Variants in CNGA1 observed in about 807,000 individuals in gnomAD.
The protein encoded by CNGA1 is cyclic nucleotide gated channel subunit alpha 1, also known as cyclic nucleotide-gated channel alpha-1.
Under a neutral mutation model 69.7 loss-of-function variants are expected in CNGA1, and 53 were observed. The ratio of observed to expected loss-of-function variants is 0.76; its 90% CI spans 0.61 to 0.96. The LOEUF is 0.96. Ranked by LOEUF, CNGA1 falls within the 40% of genes least tolerant of loss-of-function variation. The probability of loss-of-function intolerance (pLI) is 0.00; values close to 1 mark genes in which losing one functional copy is unlikely to be tolerated. For missense variants in CNGA1, 739 were observed against 811.2 expected, an observed-to-expected ratio of 0.91 and a Z score of 1.08; for synonymous variants, 249 against 283.5, an observed-to-expected ratio of 0.88 and a Z score of 1.22.
chr4:47,984,865 T>C (rs1426411615), intron 2 of CNGA1, among the ~76,000 whole-genome samples: 17 of 152,118 alleles, frequency 1.1e-4, no homozygotes, highest in Non-Finnish European at 2.5e-4. Flanking sequence ...AATGACTGCC[T>C]GTTGTTGAAT....
At chr4:48,015,940 A>C (rs938478180) in intron 1 of CNGA1, among the ~76,000 whole-genome samples, 2 of 152,112 alleles carry the variant, frequency 1.3e-5, no homozygotes, top group Admixed American at 6.5e-5. Flanking sequence ...AGGTCTTCCA[A>C]CCTTGGTTTG....
chr4:47,942,147 C>T lies in CNGA1; in HGVS notation c.439G>A (p.Glu147Lys), dbSNP rs1578066976. Reference sequence around the variant, plus strand: ...TCAATAACCACAACTTCTTTCTTCTCCCTAGCGGCAATTAGAAATAAAGGG... The same window carrying T: ...TCAATAACCACAACTTCTTTCTTCTTCCTAGCGGCAATTAGAAATAAAGGG... ...EEKSKDKKEE[E>K]KKEVVVIDPS... Residue 147 changes from glutamate (E) to lysine (K), a missense_variant and splice_region_variant, in exon 9 of 11, where the codon GAG (glutamate) becomes AAG (lysine). Glu to Lys is a moderately conservative substitution (Grantham distance 56). Coordinates refer to ENST00000514170, the MANE Select transcript of CNGA1 (RefSeq NM_001379270.1). 2.5e-6 allele frequency: 4 copies of T among 1,596,848 alleles called. No homozygotes were observed. In the South Asian group the frequency reaches 3.3e-5, roughly 13 times the overall value.
intron 1 of CNGA1, among the ~76,000 whole-genome samples, chr4:48,015,043 T>TG (rs1277867888): frequency 6.7e-6 from 1 of 149,316 alleles, no homozygotes; most frequent in East Asian, 2.0e-4. Context: ...CCGGGCGTGG[T>TG]GGGGGGCGCC....
chr4:47,998,484 G>C (rs2109343238), intron 2 of CNGA1, among the ~76,000 whole-genome samples: 1 of 152,210 alleles, frequency 6.6e-6, no homozygotes, highest in Non-Finnish European at 1.5e-5. Flanking sequence ...CATTAATAAT[G>C]CTTACATGGA....
intron 3 of CNGA1, among the ~76,000 whole-genome samples, chr4:47,961,147 T>C (rs1368529690): frequency 2.6e-5 from 4 of 152,202 alleles, no homozygotes; most frequent in Admixed American, 6.5e-5. Context: ...AGAAATTCCT[T>C]TTCTTTGTAA....
At chr4:47,991,306 C>T (rs1006764112) in intron 2 of CNGA1, among the ~76,000 whole-genome samples, 4 of 152,168 alleles carry the variant, frequency 2.6e-5, no homozygotes, top group Non-Finnish European at 4.4e-5. Context: ...TTCACCGCAT[C>T]CATGCAAACA....
rs925142698 is a variant in CNGA1, at chr4:47,942,073, A to G, written c.513T>C (p.Pro171=). Residue 171 remains proline, a synonymous_variant, in exon 9 of 11, where the codon CCT becomes CCC. Transcript: ENST00000514170. The part of the protein sequence containing the change: ...YYNWLFCITL[P]VMYNWTMVIA... ...TAACCATTGTCCAGTTGTACATAACAGGTAATGTGATGCAAAACAGCCAGT... is the reference window on the plus strand; with the variant it reads ...TAACCATTGTCCAGTTGTACATAACGGGTAATGTGATGCAAAACAGCCAGT... 3.7e-6 allele frequency: 6 copies of G among 1,612,220 alleles called. No individual in the cohort carries two copies. The highest frequency in any genetic ancestry group is 5.1e-6 in the Non-Finnish European group (6 of 1,178,336).
chr4:47,949,439 C>T (rs1252649345), intron 6 of CNGA1, among the ~76,000 whole-genome samples: 2 of 152,186 alleles, frequency 1.3e-5, no homozygotes, highest in African/African-American at 4.8e-5. Context: ...ACCCCCAACT[C>T]CCTTCCAGAT....
At chr4:48,005,858 T>C (rs1430676491) in intron 2 of CNGA1, among the ~76,000 whole-genome samples, 58 of 152,244 alleles carry the variant, frequency 3.8e-4, no homozygotes, top group Admixed American at 3.8e-3. Flanking sequence ...GAAAACAGAT[T>C]CTTATTGCAT....
At chr4:47,938,365 G>A (rs1401472068) in intron 10 of CNGA1, among the ~76,000 whole-genome samples, 1 of 147,700 alleles carries the variant, frequency 6.8e-6, no homozygotes, top group African/African-American at 2.5e-5. Context: ...TAAAACTCTT[G>A]TAATTTCCTA....
chr4:47,995,953 G>T (rs952677471), intron 2 of CNGA1, among the ~76,000 whole-genome samples: 1 of 152,048 alleles, frequency 6.6e-6, no homozygotes, highest in Admixed American at 6.6e-5. Context: ...CCAGGCTCTG[G>T]GCTGGTACTA....
intron 3 of CNGA1, among the ~76,000 whole-genome samples, chr4:47,962,962 A>ATT (rs35562218): frequency 3.4e-5 from 5 of 145,160 alleles, no homozygotes; most frequent in Admixed American, 1.4e-4. Flanking sequence ...TAATAGCTGA[A>ATT]TTTTTTTTTT....
rs552871598 is a variant in CNGA1 at position 47,936,885 on chromosome 4, C to A, written c.1597G>T (p.Val533Leu). Residue 533 changes from valine (V) to leucine (L), a missense_variant, in exon 11 of 11, where the codon GTA (valine) becomes TTA (leucine). By Grantham distance (32) the Val-to-Leu change is conservative. Transcript: ENST00000514170. Reference protein sequence around the residue: ...VADDGVTQFVVLSDGSYFGEI... With the variant: ...VADDGVTQFVLLSDGSYFGEI... ...CCGAAGTAGCTGCCATCGCTCAATA[C>A]CACAAACTGAGTGACTCCATCATCT... 84 of 1,614,098 alleles carry A rather than the reference C, an allele frequency of 5.2e-5. No individual in the cohort carries two copies. The South Asian group carries it at 7.0e-4, about 14-fold the overall frequency.
chr4:47,947,008 G>A (rs1411517739), intron 6 of CNGA1, among the ~76,000 whole-genome samples: 4 of 152,028 alleles, frequency 2.6e-5, no homozygotes, highest in Admixed American at 1.3e-4. Flanking sequence ...GGCTGGTCTC[G>A]ATTCCTGACC....
intron 3 of CNGA1, among the ~76,000 whole-genome samples, chr4:47,979,613 A>G (rs1741595576): frequency 1.3e-5 from 2 of 152,174 alleles, no homozygotes; most frequent in Admixed American, 1.3e-4. Context: ...AACTAAATAA[A>G]TATTTGTTGA....
At chr4:47,940,990 T>C in intron 9 of CNGA1, 121 bp from the exon 10 acceptor site, 1 of 647,634 alleles carries the variant, frequency 1.5e-6, no homozygotes, top group East Asian at 2.8e-5. Context: ...CTAGGAGAGG[T>C]CCTTAGAGTC....
At chr4:47,938,086 A>G (rs1455401046) in intron 10 of CNGA1, among the ~76,000 whole-genome samples, 2 of 152,010 alleles carry the variant, frequency 1.3e-5, no homozygotes, top group Non-Finnish European at 2.9e-5. Context: ...CTGAGACCCA[A>G]TATCACTTGA....
At chr4:47,939,538 A>G (rs1053950987) in intron 10 of CNGA1, among the ~76,000 whole-genome samples, 5 of 152,158 alleles carry the variant, frequency 3.3e-5, no homozygotes, top group African/African-American at 1.2e-4. Context: ...GGGAACTCCA[A>G]TTTATAGCTG....
chr4:47,986,423 C>G (rs910818615), intron 2 of CNGA1, among the ~76,000 whole-genome samples: 1 of 151,430 alleles, frequency 6.6e-6, no homozygotes, highest in Non-Finnish European at 1.5e-5. Flanking sequence ...AGACACAAAG[C>G]CATTTTTATA....
Sources: allele counts gnomAD v4.1 joint callset (sites outside exome capture counted in the v4.1 genomes callset), GRCh38; gene constraint gnomAD v4.1.1; transcripts MANE v1.5; gene names NCBI Gene and HGNC (gene_info 2026-07-23, HGNC 2026-07-21).